The following KCNJ5 variants were observed in gnomAD, a reference collection of about 807,000 sequenced individuals.
KCNJ5 encodes potassium inwardly rectifying channel subfamily J member 5, also known as G protein-activated inward rectifier potassium channel 4.
A neutral mutation model predicts 20.2 loss-of-function variants in KCNJ5; 12 were observed. That is an observed-to-expected ratio of 0.59 (90% CI 0.38 to 0.96). The LOEUF (loss-of-function observed/expected upper bound fraction) is 0.96, where lower values mean the gene tolerates loss of function less well. Ranked by LOEUF, KCNJ5 falls within the 40% of genes least tolerant of loss-of-function variation. KCNJ5 has a pLI of 0.00. For synonymous variants in KCNJ5, 210 were observed against 213.9 expected (o/e 0.98, Z 0.16); for missense variants, 449 against 557.6 (o/e 0.81, Z 1.96).
At chr11:128,909,879 G>C (rs1944473001) in intron 1 of KCNJ5, 1 of 152,224 alleles carries the variant, frequency 6.6e-6, no homozygotes, top group African/African-American at 2.4e-5. Flanking sequence ...ACTTTCTGAA[G>C]GGAGCAGGTC....
intron 1 of KCNJ5, among the ~76,000 whole-genome samples, chr11:128,895,690 C>A (rs1230069358): frequency 1.3e-5 from 2 of 152,254 alleles, no homozygotes; most frequent in Admixed American, 6.5e-5. Context: ...CCACACCGGG[C>A]CTGCCTGCCC....
At chr11:128,894,183 GT>G (rs11322063) in intron 1 of KCNJ5, among the ~76,000 whole-genome samples, 102,088 of 147,686 alleles carry the variant, frequency 0.69, 35,541 homozygotes, top group African/African-American at 0.8. Flanking sequence ...CTTCTGCATT[GT>G]TTTTTTTTTT....
Position 128,911,812 on chromosome 11 carries a change from C to T in KCNJ5, c.539C>T (p.Ala180Val), listed in dbSNP as rs1944506656. The T allele has an allele frequency of 6.2e-7, 1 of 1,614,196 alleles. No homozygotes were observed. Among genetic ancestry groups the T allele is most frequent in the Non-Finnish European group, 8.5e-7 (1 of 1,180,028 alleles). The stretch of plus-strand genomic sequence containing the variant: ...GCCATCCTGGGCTCCATCGTCAATG[C>T]CTTCATGGTGGGGTGCATGTTTGTC... ...VQAILGSIVN[A>V]FMVGCMFVKI... The change falls in exon 2 of 3, where the codon GCC becomes GTC. Residue 180 changes from alanine (A) to valine (V), a missense_variant. By Grantham distance (64) the Ala-to-Val change is moderately conservative. This residue lies in a region of KCNJ5 where 203 missense variants were observed against 258.0 expected (regional missense o/e 0.79). Transcript: ENST00000529694. The surrounding 1 kb of genome is among the most constrained non-coding windows in gnomAD (Gnocchi z 6.3).
intron 1 of KCNJ5, chr11:128,909,751 C>G (rs1339711228): frequency 6.6e-6 from 1 of 152,154 alleles, no homozygotes; most frequent in African/African-American, 2.4e-5. Context: ...TCCTGGGGGA[C>G]CCTATACCCG....
At chr11:128,893,519 G>A (rs543003935) in intron 1 of KCNJ5, among the ~76,000 whole-genome samples, 6 of 152,214 alleles carry the variant, frequency 3.9e-5, no homozygotes, top group South Asian at 2.1e-4. Context: ...CCAGAACAAC[G>A]TTCTAGACCT....
In KCNJ5 at chr11:128,914,041, A is replaced by G. The variant is rs528010285; in HGVS notation, c.937+1831A>G. ...GGGGCTGGAGTCTGGCAGGCAGCAT[A>G]TGGTGGCAGGTGGGCAGCCCCGGGG... On this transcript the variant is annotated intron_variant, in intron 2 of 2. Coordinates refer to ENST00000529694, the MANE Select transcript of KCNJ5 (RefSeq NM_000890.5). Among the ~76,000 whole-genome samples, 226 of 152,332 alleles carry G rather than the reference A, an allele frequency of 1.5e-3. 1 individual carries two copies. Among genetic ancestry groups the G allele is most frequent in the Middle Eastern group, 3.4e-3 (1 of 294 alleles).
chr11:128,915,413 T>C (rs985294033), intron 2 of KCNJ5, among the ~76,000 whole-genome samples: 1 of 152,200 alleles, frequency 6.6e-6, no homozygotes, highest in Non-Finnish European at 1.5e-5. Flanking sequence ...CCTCTCTCCG[T>C]ATGTGTCCGC....
intron 1 of KCNJ5, chr11:128,904,309 G>A (rs1201654596): frequency 7.0e-7 from 1 of 1,433,682 alleles, no homozygotes; most frequent in Non-Finnish European, 9.5e-7. Context: ...GCCAAATTCA[G>A]GACTGCACCC....
intron 1 of KCNJ5, among the ~76,000 whole-genome samples, chr11:128,898,630 C>T (rs1944214183): frequency 6.6e-6 from 1 of 152,174 alleles, no homozygotes. Context: ...TTGTCCTTTG[C>T]TTTTTTAAAT....
chr11:128,908,730 C>G (rs1257906302), intron 1 of KCNJ5, among the ~76,000 whole-genome samples: 1 of 152,208 alleles, frequency 6.6e-6, no homozygotes, highest in Admixed American at 6.5e-5. Flanking sequence ...CCATGTGCCC[C>G]GGCCAATGAC....
rs201977543 is a variant in KCNJ5 at position 128,916,363 on chromosome 11, T to A, written c.938-46T>A. On this transcript the variant is annotated intron_variant, in intron 2 of 2. Coordinates refer to ENST00000529694, the MANE Select transcript of KCNJ5 (RefSeq NM_000890.5). ...ATGAATGGATGAATGGATGGATAGA[T>A]GGATGGATGATTGCATCATAATGCA... 324 of 1,375,738 alleles carry A rather than the reference T, an allele frequency of 2.4e-4. 3 individuals are homozygous for A. In the Admixed American group the frequency reaches 3.3e-3, roughly 14 times the overall value. The allele number at this position is 1,375,738 out of a possible 1,614,324, so 85.2% of individuals were successfully genotyped here. A position where few individuals can be genotyped will look rare whatever the true frequency, so the allele number is the denominator to read the frequency against.
rs1464840832 is a variant in KCNJ5, at chr11:128,911,322, G to A, written c.49G>A (p.Val17Ile). The A allele has an allele frequency of 6.2e-7, 1 of 1,614,090 alleles. No homozygotes were observed. The highest frequency in any genetic ancestry group is 8.5e-7 in the Non-Finnish European group (1 of 1,180,058). ...CATGAACCAGGACATGGAGATTGGA[G>A]TCACTCCCTGGGACCCCAAGAAGAT... Reference protein sequence around the residue: ...NAMNQDMEIGVTPWDPKKIPK... With the variant: ...NAMNQDMEIGITPWDPKKIPK... The change falls in exon 2 of 3, where the codon GTC becomes ATC. Residue 17 changes from valine to isoleucine, a missense_variant. Coordinates refer to ENST00000529694, the MANE Select transcript of KCNJ5 (RefSeq NM_000890.5). This position sits in a 1 kb window ranked among gnomAD's most constrained non-coding sequence, Gnocchi z 6.3.
rs1176034142 is a variant in KCNJ5 at position 128,904,683 on chromosome 11, T to C, written c.-10-6581T>C. The C allele has an allele frequency of 2.6e-5, 16 of 627,334 alleles. No homozygotes were observed. The South Asian group carries it at 2.7e-4, about 11-fold the overall frequency. 38.9% of individuals were successfully genotyped at this position (627,334 alleles called of 1,614,324 possible). On this transcript the variant is annotated intron_variant, in intron 1 of 2. Coordinates refer to ENST00000529694, the MANE Select transcript of KCNJ5 (RefSeq NM_000890.5). The stretch of plus-strand genomic sequence containing the variant: ...AGCACAGGAACGAATGCCAGTGAAG[T>C]GTGAGTCGACCTCCTTCTATCCCCA...
In KCNJ5 at chr11:128,916,557, C is replaced by T. The variant is rs1433583767; in HGVS notation, c.1086C>T (p.Cys362=). The T allele has an allele frequency of 1.9e-6, 3 of 1,614,054 alleles. No homozygotes were observed. Among genetic ancestry groups the T allele is most frequent in the Admixed American group, 3.3e-5 (2 of 60,010 alleles). ...HDTYETNTPS[C]CAKELAEMKR... ...CCTATGAGACCAACACACCCAGCTG[C>T]TGTGCCAAGGAGCTGGCAGAAATGA... is the stretch of plus-strand genomic sequence containing the variant. The change falls in exon 3 of 3, where the codon TGC becomes TGT. Residue 362 remains cysteine, a synonymous_variant. Transcript: ENST00000529694.
At chr11:128,895,384 C>A (rs554545059) in intron 1 of KCNJ5, among the ~76,000 whole-genome samples, 4 of 44,734 alleles carry the variant, frequency 8.9e-5, no homozygotes, top group East Asian at 1.7e-3. Flanking sequence ...GTGCCCCCAC[C>A]CCCCCCCCAA....
chr11:128,894,120 G>T (rs1223790347), intron 1 of KCNJ5, among the ~76,000 whole-genome samples: 1 of 151,884 alleles, frequency 6.6e-6, no homozygotes, highest in Non-Finnish European at 1.5e-5. Context: ...CCTGCGGTGG[G>T]CGAAGCCACA....
At chr11:128,912,621 C>T (rs1349042796) in intron 2 of KCNJ5, among the ~76,000 whole-genome samples, 1 of 152,156 alleles carries the variant, frequency 6.6e-6, no homozygotes, top group Non-Finnish European at 1.5e-5. Flanking sequence ...AGCGATTCTC[C>T]TGCCCCAGCC....
intron 2 of KCNJ5, among the ~76,000 whole-genome samples, chr11:128,914,794 C>G (rs1177924620): frequency 6.6e-6 from 1 of 152,198 alleles, no homozygotes; most frequent in East Asian, 1.9e-4. Context: ...ACAGGGCAGC[C>G]GCTGCCACAC....
rs543457503 is a variant in KCNJ5, at chr11:128,897,390, G to A, written c.-11+5669G>A. ...TGGGATTACAAGCATGAGCCACCAC[G>A]CCTGGCCTGTTGACCATCTTTTTAT... is the stretch of plus-strand genomic sequence containing the variant. On this transcript the variant is annotated intron_variant, in intron 1 of 2. Transcript: ENST00000529694. Among the ~76,000 whole-genome samples, 8 of 152,192 alleles carry A rather than the reference G, an allele frequency of 5.3e-5. No homozygotes were observed. The South Asian group carries it at 6.2e-4, about 12-fold the overall frequency.
Sources: gnomAD v4.1 joint callset for allele counts (sites outside exome capture counted in the v4.1 genomes callset) on GRCh38, gnomAD v4.1.1 for gene constraint, gnomAD v4.1.1 regional missense constraint, Gnocchi (gnomAD v3.1) non-coding constraint, MANE v1.5 for transcripts, NCBI Gene and HGNC (gene_info 2026-07-23, HGNC 2026-07-21) for gene names.